The following MYO5B variants were observed in gnomAD, a reference collection of about 807,000 sequenced individuals.
The protein encoded by MYO5B is myosin VB.
A neutral mutation model predicts 229.3 loss-of-function variants in MYO5B; 143 were observed. The observed-to-expected ratio is 0.62, with a 90% confidence interval of 0.54 to 0.72. The LOEUF is 0.72. Ranked by LOEUF, MYO5B falls within the 30% of genes least tolerant of loss-of-function variation. The probability of loss-of-function intolerance (pLI) is 0.00; values close to 1 mark genes in which losing one functional copy is unlikely to be tolerated. For synonymous variants in MYO5B, 918 were observed against 885.2 expected, an observed-to-expected ratio of 1.04 and a Z score of -0.66; for missense variants, 2,321 against 2,331.0, an observed-to-expected ratio of 1.00 and a Z score of 0.09.
At chr18:49,849,972 C>T in intron 31 of MYO5B, 2 of 414,650 alleles carry the variant, frequency 4.8e-6, no homozygotes, top group Non-Finnish European at 9.1e-6. Context: ...ATGCCAACCC[C>T]CCAGGAGACA....
chr18:49,849,701 G>A (rs770071787), intron 31 of MYO5B, 41 bp from the exon 32 acceptor site: 144 of 1,498,798 alleles, frequency 9.6e-5, no homozygotes, highest in Middle Eastern at 1.7e-4. Context: ...ACATCAGCCC[G>A]GCCTGGGATG....
intron 14 of MYO5B, among the ~76,000 whole-genome samples, chr18:49,951,870 T>G (rs956286279): frequency 6.6e-6 from 1 of 152,150 alleles, no homozygotes. Flanking sequence ...GCCTTGGGGC[T>G]CCTCCCTATG....
At chr18:50,111,594 G>A (rs1462722695) in intron 1 of MYO5B, among the ~76,000 whole-genome samples, 1 of 152,118 alleles carries the variant, frequency 6.6e-6, no homozygotes, top group Non-Finnish European at 1.5e-5. Flanking sequence ...CTTCCTTAAG[G>A]GGTCAGTCAT....
chr18:50,120,719 T>C (rs2032044800), intron 1 of MYO5B, among the ~76,000 whole-genome samples: 2 of 152,162 alleles, frequency 1.3e-5, no homozygotes, highest in African/African-American at 4.8e-5. Context: ...CTGCTTAGTC[T>C]AGGGGTGGAG....
intron 1 of MYO5B, among the ~76,000 whole-genome samples, chr18:50,058,275 G>A (rs1181880077): frequency 6.6e-6 from 1 of 152,050 alleles, no homozygotes; most frequent in Non-Finnish European, 1.5e-5. Flanking sequence ...AGACTGGCCT[G>A]GGCAATATAG....
At chr18:50,117,477 G>A (rs987608350) in intron 1 of MYO5B, among the ~76,000 whole-genome samples, 1 of 152,114 alleles carries the variant, frequency 6.6e-6, no homozygotes, top group Non-Finnish European at 1.5e-5. Flanking sequence ...AATTTTCAAA[G>A]TTTAGATTAT....
intron 13 of MYO5B, among the ~76,000 whole-genome samples, chr18:49,954,020 TTATATGTGTGTGTGTGTGTG>T (rs1187112252): frequency 7.7e-5 from 3 of 38,716 alleles, no homozygotes; most frequent in Non-Finnish European, 1.5e-4. Flanking sequence ...GTGTATGTAT[TTATATGTGTGTGTGTGTGTG>T]TGTGTGTGTG....
At chr18:50,119,275 T>C (rs2032019524) in intron 1 of MYO5B, among the ~76,000 whole-genome samples, 1 of 152,182 alleles carries the variant, frequency 6.6e-6, no homozygotes, top group South Asian at 2.1e-4. Context: ...TCCAACAGCA[T>C]TTATATTGAT....
intron 1 of MYO5B, among the ~76,000 whole-genome samples, chr18:50,069,255 T>C (rs2030895837): frequency 1.3e-5 from 2 of 152,166 alleles, no homozygotes; most frequent in African/African-American, 2.4e-5. Flanking sequence ...TATTATCTAC[T>C]ATCTGTCTGT....
rs774174890 is a variant in MYO5B, at chr18:49,878,927, C to G, written c.3276+18G>C. 5 of 1,614,038 alleles carry G rather than the reference C, an allele frequency of 3.1e-6. No homozygotes were observed. The South Asian group carries it at 4.4e-5, about 14-fold the overall frequency. On this transcript the variant is annotated intron_variant, in intron 24 of 39. Transcript: ENST00000285039. The stretch of plus-strand genomic sequence containing the variant: ...GCCAGGGACCTGTGCCATGGCACAG[C>G]AGAAGCACCCCCCTTGCCTTTATGA...
intron 21 of MYO5B, among the ~76,000 whole-genome samples, chr18:49,895,434 G>C (rs2024767597): frequency 6.6e-6 from 1 of 152,214 alleles, no homozygotes; most frequent in Non-Finnish European, 1.5e-5. Context: ...CATGTGCAGA[G>C]CTGGAAGCTG....
rs2276173 is a variant in MYO5B at position 49,875,629 on chromosome 18, A to T, written c.3537+58T>A. 0.22 allele frequency: 354,147 copies of T among 1,609,634 alleles called. 41,363 individuals carry two copies. The highest frequency in any genetic ancestry group is 0.39 in the East Asian group (17,328 of 44,790). On this transcript the variant is annotated intron_variant, in intron 26 of 39. Transcript: ENST00000285039. ...ACATGCCACATGAGCCCTGGACACA[A>T]GAGCTAGATTGTTCTCTCATCCAAG... is the stretch of plus-strand genomic sequence containing the variant.
rs765755453 is a variant in MYO5B, at chr18:49,963,078, A to C, written c.1323-48T>G. On this transcript the variant is annotated intron_variant, in intron 10 of 39. Coordinates refer to ENST00000285039, the MANE Select transcript of MYO5B (RefSeq NM_001080467.3). Reference sequence around the variant, plus strand: ...AAGAGACGTCTCCTTTCAACAAAGGAATCACTGGGACTTCAACAAAGCTGC... The same window carrying C: ...AAGAGACGTCTCCTTTCAACAAAGGCATCACTGGGACTTCAACAAAGCTGC... 23 of 1,494,608 alleles carry C rather than the reference A, an allele frequency of 1.5e-5. No individual in the cohort carries two copies. The South Asian group carries it at 2.6e-4, about 17-fold the overall frequency. The allele number at this position is 1,494,608 out of a possible 1,614,324, so 92.6% of individuals were successfully genotyped here.
intron 1 of MYO5B, among the ~76,000 whole-genome samples, chr18:50,158,091 C>T (rs2032710108): frequency 6.6e-6 from 1 of 152,080 alleles, no homozygotes; most frequent in African/African-American, 2.4e-5. Flanking sequence ...AAGGCATTTC[C>T]CTGAAAACCT....
chr18:50,143,143 T>A (rs1369683846), intron 1 of MYO5B, among the ~76,000 whole-genome samples: 1 of 152,218 alleles, frequency 6.6e-6, no homozygotes, highest in East Asian at 1.9e-4. Flanking sequence ...TCAAAGTAAC[T>A]GTATCTAACC....
intron 24 of MYO5B, among the ~76,000 whole-genome samples, chr18:49,878,625 G>A (rs2024552803): frequency 1.3e-5 from 2 of 152,094 alleles, no homozygotes; most frequent in South Asian, 4.1e-4. Flanking sequence ...TAATGAAGCT[G>A]AGAACTCCCA....
chr18:50,050,937 C>G lies in MYO5B; in HGVS notation c.138+4331G>C, dbSNP rs950723711. ...CCAAGTCCTTGCTTCTCCACGTGCTCTTGTCGTGGTTCCAGGGGTACTAAG... is the reference window on the plus strand; with the variant it reads ...CCAAGTCCTTGCTTCTCCACGTGCTGTTGTCGTGGTTCCAGGGGTACTAAG... On this transcript the variant is annotated intron_variant, in intron 2 of 39. Coordinates refer to ENST00000285039, the MANE Select transcript of MYO5B (RefSeq NM_001080467.3). Among the ~76,000 whole-genome samples, 55 of 152,214 alleles carry G rather than the reference C, an allele frequency of 3.6e-4. 1 individual carries two copies. Among genetic ancestry groups the G allele is most frequent in the Non-Finnish European group, 1.5e-5 (1 of 68,028 alleles).
chr18:49,975,223 G>C (rs564894942), intron 9 of MYO5B, among the ~76,000 whole-genome samples: 67 of 152,270 alleles, frequency 4.4e-4, no homozygotes, highest in African/African-American at 1.5e-3. Context: ...CAAGCCCCAG[G>C]CTCCTAAGGT....
chr18:50,003,024 A>C (rs1186865718), intron 4 of MYO5B, among the ~76,000 whole-genome samples: 3 of 152,138 alleles, frequency 2.0e-5, no homozygotes, highest in Non-Finnish European at 4.4e-5. Context: ...AGCTGGAAAC[A>C]TGGTGAGATG....
Sources: allele counts gnomAD v4.1 joint callset (sites outside exome capture counted in the v4.1 genomes callset), GRCh38; gene constraint gnomAD v4.1.1; transcripts MANE v1.5; gene names NCBI Gene and HGNC (gene_info 2026-07-23, HGNC 2026-07-21).